COL28A1: variants seen among roughly 807,000 people sequenced by gnomAD.
COL28A1 encodes the protein collagen alpha-1(XXVIII) chain.
In COL28A1, 161 loss-of-function variants were observed where a neutral mutation model predicts 150.2. The observed-to-expected ratio is 1.07, with a 90% CI of 0.94 to 1.22. The LOEUF is 1.22. Ranked by LOEUF, COL28A1 falls within the 50% of genes most tolerant of loss-of-function variation. COL28A1 has a pLI of 0.00. For missense variants in COL28A1, 1,617 were observed against 1,388.3 expected (o/e 1.16, Z -2.62); for synonymous variants, 552 against 469.7 (o/e 1.18, Z -2.26).
intron 28 of COL28A1, 62 bp downstream of exon 28, chr7:7,381,482 G>T: frequency 8.2e-7 from 1 of 1,214,890 alleles, no homozygotes; most frequent in Non-Finnish European, 1.2e-6. Context: ...TTCTTCCAAA[G>T]TTAAAGTTAA....
rs138735121 is a variant in COL28A1 at position 7,404,691 on chromosome 7, G to A, written c.2136+13168C>T. Among the ~76,000 whole-genome samples, 302 of 151,882 alleles carry A rather than the reference G, an allele frequency of 2.0e-3. 1 individual carries two copies. The highest frequency in any genetic ancestry group is 6.8e-3 in the African/African-American group (280 of 41,432). ...CATCACACACTTCTAACCCCCTACCGTGCTCTCCTTGATTTGCCATAGCAG... is the reference window on the plus strand; with the variant it reads ...CATCACACACTTCTAACCCCCTACCATGCTCTCCTTGATTTGCCATAGCAG... On this transcript the variant is annotated intron_variant, in intron 27 of 34. Transcript: ENST00000399429.
At chr7:7,474,056 C>CTCTATATATATGGAATATA (rs1554281215) in intron 15 of COL28A1, among the ~76,000 whole-genome samples, 3,406 of 139,906 alleles carry the variant, frequency 0.024, 118 homozygotes, top group African/African-American at 0.085. Flanking sequence ...ACTATATACT[C>CTCTATATATATGGAATATA]TATATATATA....
At chr7:7,522,806 CAAAAAAA>C (rs200294353) in intron 4 of COL28A1, among the ~76,000 whole-genome samples, 6 of 93,166 alleles carry the variant, frequency 6.4e-5, no homozygotes, top group Admixed American at 1.1e-4. Context: ...AGCTGAAGAG[CAAAAAAA>C]AAAAAAAAAA....
intron 13 of COL28A1, among the ~76,000 whole-genome samples, chr7:7,478,038 T>C (rs1382663491): frequency 6.6e-6 from 1 of 151,212 alleles, no homozygotes; most frequent in Non-Finnish European, 1.5e-5. Context: ...CTAGACAGAG[T>C]GCTGATTGGC....
chr7:7,376,903 C>T (rs186999226), intron 30 of COL28A1, among the ~76,000 whole-genome samples: 97 of 152,298 alleles, frequency 6.4e-4, no homozygotes, highest in African/African-American at 2.2e-3. Context: ...ACTGACACCT[C>T]CAACAGCAGT....
chr7:7,487,120 A>G (rs1484193795), intron 13 of COL28A1, among the ~76,000 whole-genome samples: 2 of 152,032 alleles, frequency 1.3e-5, no homozygotes, highest in African/African-American at 4.8e-5. Context: ...CTCATTCTCT[A>G]TATTTTCCAA....
intron 18 of COL28A1, among the ~76,000 whole-genome samples, chr7:7,446,194 A>G (rs778308471): frequency 5.3e-5 from 8 of 152,128 alleles, no homozygotes; most frequent in Non-Finnish European, 1.2e-4. Context: ...AAGTAAATAA[A>G]TTTCTAATAG....
At chr7:7,384,190 G>C (rs778755089) in intron 27 of COL28A1, among the ~76,000 whole-genome samples, 6 of 152,148 alleles carry the variant, frequency 3.9e-5, no homozygotes, top group Non-Finnish European at 8.8e-5. Context: ...TTTTCACTTT[G>C]GTATCTCTTG....
At chr7:7,511,774 G>C (rs777694493) in intron 8 of COL28A1, 2 of 471,010 alleles carry the variant, frequency 4.2e-6, no homozygotes, top group Non-Finnish European at 8.8e-6. Context: ...TAGGAGAGCC[G>C]GGCTTGGCAG....
At position 7,358,611 on chromosome 7, in the gene COL28A1, A is replaced by G; in HGVS notation, c.*22T>C. On this transcript the variant is annotated 3_prime_UTR_variant, in exon 35 of 35. Transcript: ENST00000399429. ...AATTAGGGAGTTCTATGCTTTTGAT[A>G]GAGACAGGCCAATTTACTTGCTCAT... 1 of 1,610,052 alleles carries G rather than the reference A, an allele frequency of 6.2e-7. No individual in the cohort carries two copies. Among genetic ancestry groups the G allele is most frequent in the Non-Finnish European group, 8.5e-7 (1 of 1,176,918 alleles).
intron 27 of COL28A1, among the ~76,000 whole-genome samples, chr7:7,407,078 G>A (rs1202625839): frequency 6.6e-6 from 1 of 151,796 alleles, no homozygotes; most frequent in Non-Finnish European, 1.5e-5. Context: ...TGATACAGCT[G>A]AAGAAAGATT....
intron 10 of COL28A1, 93 bp from the exon 11 acceptor site, chr7:7,506,160 G>A (rs139429938): frequency 8.3e-5 from 64 of 768,282 alleles, no homozygotes; most frequent in African/African-American, 7.7e-4. Flanking sequence ...CCTGGCGATC[G>A]AAGTTAGACT....
intron 25 of COL28A1, among the ~76,000 whole-genome samples, chr7:7,425,859 G>A (rs1039237740): frequency 6.6e-6 from 1 of 152,160 alleles, no homozygotes; most frequent in Admixed American, 6.6e-5. Flanking sequence ...TCAAGGTGGA[G>A]CAGTGACAAG....
chr7:7,428,733 C>G (rs563173067), intron 25 of COL28A1, among the ~76,000 whole-genome samples: 3 of 152,198 alleles, frequency 2.0e-5, no homozygotes, highest in Non-Finnish European at 4.4e-5. Flanking sequence ...TAGCAAGAAA[C>G]CAAATTATCA....
intron 11 of COL28A1, among the ~76,000 whole-genome samples, chr7:7,493,761 G>A (rs977264819): frequency 6.6e-6 from 1 of 151,894 alleles, no homozygotes; most frequent in Non-Finnish European, 1.5e-5. Context: ...AAACAGGGAG[G>A]GAAGAGTCAG....
intron 25 of COL28A1, among the ~76,000 whole-genome samples, chr7:7,430,023 CA>C (rs1039503568): frequency 6.6e-6 from 1 of 152,268 alleles, no homozygotes; most frequent in Admixed American, 6.5e-5. Flanking sequence ...AAGGCAAATA[CA>C]GGGGACTTTT....
chr7:7,507,956 G>C (rs868628733), intron 9 of COL28A1, among the ~76,000 whole-genome samples: 30 of 152,336 alleles, frequency 2.0e-4, no homozygotes, highest in African/African-American at 7.0e-4. Context: ...TTTCCGGCCA[G>C]GCGTGCTGGC....
intron 11 of COL28A1, among the ~76,000 whole-genome samples, chr7:7,503,852 G>A (rs576103380): frequency 2.8e-4 from 43 of 152,248 alleles, no homozygotes; most frequent in Non-Finnish European, 5.1e-4. Flanking sequence ...CATAGACTCC[G>A]AGCGATCCCC....
intron 27 of COL28A1, among the ~76,000 whole-genome samples, chr7:7,404,536 T>C (rs1026682398): frequency 8.6e-5 from 13 of 152,042 alleles, no homozygotes; most frequent in African/African-American, 1.7e-4. Flanking sequence ...CCTGCCTCTA[T>C]AGGACCTTTG....
Sources: allele counts gnomAD v4.1 joint callset (sites outside exome capture counted in the v4.1 genomes callset), GRCh38; gene constraint gnomAD v4.1.1; transcripts MANE v1.5; gene names NCBI Gene and HGNC (gene_info 2026-07-23, HGNC 2026-07-21).